CCDC43: variants seen among roughly 807,000 people sequenced by gnomAD.
CCDC43 encodes the protein coiled-coil domain-containing protein 43.
A neutral mutation model predicts 33.3 loss-of-function variants in CCDC43; 20 were observed. The observed-to-expected ratio is 0.60, with a 90% CI of 0.42 to 0.87. The LOEUF (loss-of-function observed/expected upper bound fraction) is 0.87. CCDC43 is among the 40% of genes least tolerant of loss of function. The pLI, the probability that CCDC43 is intolerant of heterozygous loss-of-function variation, is 0.00. For missense variants in CCDC43, 248 were observed against 269.9 expected (o/e 0.92, Z 0.57); for synonymous variants, 104 against 106.5 (o/e 0.98, Z 0.14).
At chr17:44,681,205 G>A (rs1031148807) in intron 3 of CCDC43, among the ~76,000 whole-genome samples, 1 of 152,176 alleles carries the variant, frequency 6.6e-6, no homozygotes, top group Non-Finnish European at 1.5e-5. Context: ...TTGGGAGGGT[G>A]AGGCAGGCAG....
Position 44,683,863 on chromosome 17 carries a change from T to G in CCDC43, c.292+9A>C. Reference sequence around the variant, plus strand: ...CTCAGGAAGTTAAACACAGAAACTCTGACTCTACCTTCTTTTTTCACTTTG... The same window carrying G: ...CTCAGGAAGTTAAACACAGAAACTCGGACTCTACCTTCTTTTTTCACTTTG... On this transcript the variant is annotated intron_variant, in intron 2 of 4. Coordinates refer to ENST00000315286, the MANE Select transcript of CCDC43 (RefSeq NM_144609.3). 6.3e-7 allele frequency: 1 copy of G among 1,597,928 alleles called. No individual in the cohort carries two copies. Among genetic ancestry groups the G allele is most frequent in the Non-Finnish European group, 8.6e-7 (1 of 1,165,368 alleles).
chr17:44,684,986 A>G (rs553767092), intron 1 of CCDC43, among the ~76,000 whole-genome samples: 37 of 151,932 alleles, frequency 2.4e-4, no homozygotes, highest in African/African-American at 7.7e-4. Flanking sequence ...GGGTCTCACT[A>G]TCTTACCCAG....
At chr17:44,689,417 A>T in intron 1 of CCDC43, 133 bp downstream of exon 1, 1 of 1,332,654 alleles carries the variant, frequency 7.5e-7, no homozygotes, top group Non-Finnish European at 1.0e-6. Context: ...CCGCCCAGAT[A>T]TCAGAGGAGT....
At chr17:44,680,225 C>T (rs375334903) in intron 4 of CCDC43, among the ~76,000 whole-genome samples, 12 of 152,074 alleles carry the variant, frequency 7.9e-5, no homozygotes, top group Non-Finnish European at 1.5e-4. Context: ...TGGGCTCAAA[C>T]GATCCACCTG....
chr17:44,686,393 C>T (rs1398215322), intron 1 of CCDC43, among the ~76,000 whole-genome samples: 1 of 152,088 alleles, frequency 6.6e-6, no homozygotes, highest in Non-Finnish European at 1.5e-5. Context: ...GGGTTTCCCC[C>T]AACCCCCACC....
chr17:44,688,178 G>A (rs970885449), intron 1 of CCDC43: 3 of 151,770 alleles, frequency 2.0e-5, no homozygotes, highest in African/African-American at 7.3e-5. Context: ...TTTGAGACAG[G>A]GTCACTCTGT....
intron 4 of CCDC43, among the ~76,000 whole-genome samples, chr17:44,679,486 A>C (rs1015462230): frequency 7.2e-5 from 11 of 152,222 alleles, no homozygotes; most frequent in African/African-American, 2.7e-4. Context: ...TAAAAGAGTT[A>C]AATAAGATGT....
chr17:44,689,415 A>G (rs889357204), intron 1 of CCDC43, 135 bp downstream of exon 1: 64 of 1,307,614 alleles, frequency 4.9e-5, no homozygotes, highest in Admixed American at 1.7e-4. Flanking sequence ...CGCCGCCCAG[A>G]TATCAGAGGA....
In CCDC43 at chr17:44,682,088, C is replaced by T. The variant is rs1972171273; in HGVS notation, c.343G>A (p.Val115Ile). 1.2e-6 allele frequency: 2 copies of T among 1,614,014 alleles called. No homozygotes were observed. Among genetic ancestry groups the T allele is most frequent in the Non-Finnish European group, 1.7e-6 (2 of 1,179,900 alleles). ...TLIEKQAQIV[V>I]KPRMVSEEEK... The stretch of plus-strand genomic sequence containing the variant: ...TCTTCTGACACCATCCTTGGCTTTA[C>T]TACGATTTGTGCCTGCTTCTCAATT... The change falls in exon 3 of 5, where the codon GTA becomes ATA. Residue 115 changes from valine (V) to isoleucine (I), a missense_variant. Transcript: ENST00000315286.
intron 2 of CCDC43, among the ~76,000 whole-genome samples, 181 bp downstream of exon 2, chr17:44,683,691 A>T (rs556365379): frequency 6.6e-6 from 1 of 152,290 alleles, no homozygotes; most frequent in African/African-American, 2.4e-5. Context: ...AAAATGCAAA[A>T]AAAGAAAAGG....
intron 1 of CCDC43, among the ~76,000 whole-genome samples, chr17:44,688,462 A>C (rs1474685872): frequency 6.6e-6 from 1 of 152,166 alleles, no homozygotes; most frequent in African/African-American, 2.4e-5. Context: ...CTCATGGTAC[A>C]TTTTGATTCT....
At chr17:44,680,436 C>G (rs535050895) in intron 4 of CCDC43, 149 bp downstream of exon 4, 120 of 596,102 alleles carry the variant, frequency 2.0e-4, no homozygotes, top group Non-Finnish European at 3.5e-4. Flanking sequence ...AACTGACTAT[C>G]TAGGGCTGTC....
rs536259684 is a variant in CCDC43 at position 44,681,984 on chromosome 17, G to A, written c.428+19C>T. 76 of 1,613,800 alleles carry A rather than the reference G, an allele frequency of 4.7e-5. No individual in the cohort carries two copies. In the Middle Eastern group the frequency reaches 9.9e-4, roughly 21 times the overall value. ...GGCTTGAGCTTTAGGGAATGGTGCC[G>A]AGACTCCAGAAAGGATATTCCTCTT... On this transcript the variant is annotated intron_variant, in intron 3 of 4. Transcript: ENST00000315286.
chr17:44,689,158 C>T, intron 1 of CCDC43: 1 of 220,896 alleles, frequency 4.5e-6, no homozygotes, highest in South Asian at 6.5e-5. Context: ...GTAATAGGCA[C>T]AGACCTCCCA....
chr17:44,681,672 C>T, intron 3 of CCDC43: 1 of 216,912 alleles, frequency 4.6e-6, no homozygotes, highest in South Asian at 7.4e-5. Context: ...ATACTTTATA[C>T]TACACTGTAT....
chr17:44,680,708 A>G, intron 3 of CCDC43, 65 bp from the exon 4 acceptor site: 1 of 1,214,708 alleles, frequency 8.2e-7, no homozygotes, highest in Admixed American at 1.7e-5. Context: ...AAAACATTCA[A>G]TAGACTGGTA....
intron 1 of CCDC43, among the ~76,000 whole-genome samples, chr17:44,688,449 C>T (rs1048445175): frequency 6.6e-6 from 1 of 152,150 alleles, no homozygotes; most frequent in Admixed American, 6.5e-5. Context: ...CACTGTGCCC[C>T]ACCTCATGGT....
chr17:44,685,652 G>C (rs1252394166), intron 1 of CCDC43, among the ~76,000 whole-genome samples: 1 of 152,030 alleles, frequency 6.6e-6, no homozygotes, highest in African/African-American at 2.4e-5. Context: ...TCTTCATTAC[G>C]GCTGCATTCC....
At chr17:44,689,471 T>G in intron 1 of CCDC43, 79 bp downstream of exon 1, 8 of 1,579,552 alleles carry the variant, frequency 5.1e-6, no homozygotes, top group Non-Finnish European at 6.0e-6. Context: ...GGATACCCGG[T>G]AGGGGAGGGA....
Sources: gnomAD v4.1 joint callset for allele counts (sites outside exome capture counted in the v4.1 genomes callset) on GRCh38, gnomAD v4.1.1 for gene constraint, MANE v1.5 for transcripts, NCBI Gene and HGNC (gene_info 2026-07-23, HGNC 2026-07-21) for gene names.